The following PPP2R5C variants were observed in gnomAD, a reference collection of about 807,000 sequenced individuals.
PPP2R5C encodes the protein serine/threonine-protein phosphatase 2A 56 kDa regulatory subunit gamma isoform.
PPP2R5C carries 7 observed loss-of-function variants against 68.9 expected under a neutral mutation model. The observed-to-expected ratio is 0.10, with a 90% confidence interval of 0.06 to 0.19. PPP2R5C has a LOEUF of 0.19. Ranked by LOEUF, PPP2R5C falls within the 10% of genes least tolerant of loss-of-function variation. The pLI is 1.00. For synonymous variants in PPP2R5C, 210 were observed against 222.2 expected (o/e 0.95, Z 0.49); for missense variants, 348 against 641.3 (o/e 0.54, Z 4.94).
chr14:101,875,229 G>A (rs2043685941), intron 2 of PPP2R5C, among the ~76,000 whole-genome samples: 1 of 152,166 alleles, frequency 6.6e-6, no homozygotes, highest in South Asian at 2.1e-4. Flanking sequence ...GAAGCGCGAG[G>A]TAGATTTGTG....
At chr14:101,886,033 G>A (rs1050587212) in intron 5 of PPP2R5C, among the ~76,000 whole-genome samples, 4 of 152,238 alleles carry the variant, frequency 2.6e-5, no homozygotes, top group African/African-American at 9.6e-5. Context: ...TGTAATCCCA[G>A]CACTTTGGGA....
intron 1 of PPP2R5C, chr14:101,819,135 T>C: frequency 6.8e-7 from 1 of 1,464,632 alleles, no homozygotes; most frequent in Non-Finnish European, 9.4e-7. Flanking sequence ...GTAGACAGTT[T>C]CTGTACATGT....
At chr14:101,864,007 C>T (rs2042914275) in intron 2 of PPP2R5C, among the ~76,000 whole-genome samples, 1 of 152,192 alleles carries the variant, frequency 6.6e-6, no homozygotes, top group Non-Finnish European at 1.5e-5. Flanking sequence ...CATCCTCAGG[C>T]AAGCCAAAAC....
intron 13 of PPP2R5C, among the ~76,000 whole-genome samples, chr14:101,919,994 C>CAAAAAAAAAAAAAAAAAA (rs2046928361): frequency 4.5e-5 from 5 of 111,286 alleles, no homozygotes; most frequent in African/African-American, 2.5e-4. Flanking sequence ...AAAAAAAAAC[C>CAAAAAAAAAAAAAAAAAA]AATTCTTACA....
intron 5 of PPP2R5C, among the ~76,000 whole-genome samples, chr14:101,884,474 TGA>T (rs1485839359): frequency 6.6e-6 from 1 of 152,194 alleles, no homozygotes. Flanking sequence ...GGAGTCTCAG[TGA>T]GAGGAGGCGG....
intron 3 of PPP2R5C, among the ~76,000 whole-genome samples, chr14:101,793,568 C>T (rs1298460796): frequency 6.6e-6 from 1 of 152,208 alleles, no homozygotes; most frequent in African/African-American, 2.4e-5. Context: ...AAACCCCATA[C>T]CAGCCCCATG....
At chr14:101,901,680 C>T (rs557665056) in intron 8 of PPP2R5C, 39 bp from the exon 11 acceptor site, 13 of 1,604,010 alleles carry the variant, frequency 8.1e-6, no homozygotes, top group African/African-American at 4.0e-5. Context: ...GTTGGGGCCT[C>T]GTGGGCATCA....
At chr14:101,859,948 G>A (rs1238409280) in intron 2 of PPP2R5C, among the ~76,000 whole-genome samples, 5 of 150,786 alleles carry the variant, frequency 3.3e-5, no homozygotes, top group African/African-American at 1.2e-4. Flanking sequence ...AAGCTTTATA[G>A]TTGTTGTACT....
intron 2 of PPP2R5C, among the ~76,000 whole-genome samples, chr14:101,780,737 G>A (rs2037638188): frequency 6.6e-6 from 1 of 152,222 alleles, no homozygotes; most frequent in Non-Finnish European, 1.5e-5. Context: ...TACTTCTTAA[G>A]TGGCATATCA....
At chr14:101,926,029 T>G (rs570280459) in exon 14 of PPP2R5C, 1 of 152,564 alleles carries the variant, frequency 6.6e-6, no homozygotes, top group South Asian at 2.1e-4. Flanking sequence ...TTGACAGAAA[T>G]TGGAGTTTTA....
chr14:101,882,129 C>G lies in PPP2R5C; in HGVS notation c.295-32C>G. ...GTTGTCTGTAAATATTTTAAATGCC[C>G]TGATTGTAATTATAGAATATGTGGA... On this transcript the variant is annotated intron_variant, in intron 2 of 13. Transcript: ENST00000334743. The surrounding 1 kb of genome is among the most constrained non-coding windows in gnomAD (Gnocchi z 4.9). 1 of 1,492,474 alleles carries G rather than the reference C, an allele frequency of 6.7e-7. No individual in the cohort carries two copies. The highest frequency in any genetic ancestry group is 9.1e-7 in the Non-Finnish European group (1 of 1,094,898). The allele number at this position is 1,492,474 out of a possible 1,614,324, so 92.5% of individuals were successfully genotyped here.
intron 2 of PPP2R5C, among the ~76,000 whole-genome samples, chr14:101,771,458 C>T (rs950439896): frequency 9.2e-5 from 14 of 152,078 alleles, no homozygotes; most frequent in African/African-American, 3.4e-4. Flanking sequence ...CAGCTGGGCA[C>T]GGTGGCTCAT....
At chr14:101,847,982 G>A (rs964948875) in intron 1 of PPP2R5C, among the ~76,000 whole-genome samples, 5 of 152,028 alleles carry the variant, frequency 3.3e-5, no homozygotes, top group South Asian at 4.1e-4. Context: ...CACTGCGCCC[G>A]GCCTTGAGAC....
chr14:101,793,307 C>T (rs946994936), intron 3 of PPP2R5C, among the ~76,000 whole-genome samples: 5 of 152,086 alleles, frequency 3.3e-5, no homozygotes, highest in African/African-American at 1.2e-4. Flanking sequence ...ATGGAGGGAG[C>T]GAGGATATAA....
At chr14:101,885,191 C>T (rs1171377551) in intron 5 of PPP2R5C, among the ~76,000 whole-genome samples, 1 of 152,208 alleles carries the variant, frequency 6.6e-6, no homozygotes, top group East Asian at 1.9e-4. Context: ...CAGGTGTCAG[C>T]CACGCCCAAC....
chr14:101,839,116 T>A (rs2140402477), intron 1 of PPP2R5C: 1 of 149,956 alleles, frequency 6.7e-6, no homozygotes, highest in African/African-American at 2.5e-5. Flanking sequence ...CTTGGGAGGC[T>A]GAGGCAGGTG....
At chr14:101,887,636 G>T (rs893009060) in intron 5 of PPP2R5C, among the ~76,000 whole-genome samples, 1 of 152,176 alleles carries the variant, frequency 6.6e-6, no homozygotes. Context: ...CCACGGCCAC[G>T]TCCAAGAGGG....
intron 5 of PPP2R5C, among the ~76,000 whole-genome samples, chr14:101,889,058 A>G (rs1057210154): frequency 6.6e-6 from 1 of 152,104 alleles, no homozygotes; most frequent in African/African-American, 2.4e-5. Context: ...CAATTCAAGC[A>G]CCACCTCTCA....
chr14:101,763,596 C>T (rs980672605), intron 2 of PPP2R5C, among the ~76,000 whole-genome samples: 4 of 151,996 alleles, frequency 2.6e-5, no homozygotes, highest in African/African-American at 7.3e-5. Context: ...TTGGTCAGGC[C>T]GGTCTTGAAC....
Sources: gnomAD v4.1 joint callset for allele counts (sites outside exome capture counted in the v4.1 genomes callset) on GRCh38, gnomAD v4.1.1 for gene constraint, Gnocchi (gnomAD v3.1) non-coding constraint, MANE v1.5 for transcripts, NCBI Gene and HGNC (gene_info 2026-07-23, HGNC 2026-07-21) for gene names.